LIMCH1: variants seen among roughly 807,000 people sequenced by gnomAD.
LIMCH1 encodes the protein LIM and calponin homology domains-containing protein 1.
LIMCH1 carries 113 observed loss-of-function variants against 176.5 expected under a neutral mutation model. The observed-to-expected ratio is 0.64, with a 90% CI of 0.55 to 0.75. The LOEUF (loss-of-function observed/expected upper bound fraction) is 0.75, where lower values mean the gene tolerates loss of function less well. Among genes scored for constraint, LIMCH1 ranks in the 30% least tolerant of loss-of-function variants. The pLI is 0.00. For missense variants in LIMCH1, 1,674 were observed against 1,814.9 expected (o/e 0.92, Z 1.41); for synonymous variants, 619 against 645.9 (o/e 0.96, Z 0.63).
At chr4:41,514,805 G>T (rs140794423) in intron 2 of LIMCH1, among the ~76,000 whole-genome samples, 1 of 152,160 alleles carries the variant, frequency 6.6e-6, no homozygotes, top group Non-Finnish European at 1.5e-5. Context: ...ATCTTGCTAT[G>T]CCTGTCCTTA....
intron 1 of LIMCH1, among the ~76,000 whole-genome samples, chr4:41,477,517 C>T (rs138243793): frequency 1.3e-5 from 2 of 152,208 alleles, no homozygotes; most frequent in African/African-American, 2.4e-5. Context: ...TTATCATCAT[C>T]ATTATTTTGA....
rs2152463013 is a variant in LIMCH1 at position 41,538,194 on chromosome 4, AGG to A, written c.-394_-393del. ...GCAGCAGCCTGCTTGTGGACAGAGC[AGG>A]GGTTGGCAGTGGTGACGACTGTTTT... is the stretch of plus-strand genomic sequence containing the variant. On this transcript the variant is annotated 5_prime_UTR_variant, in exon 1 of 32. Coordinates refer to ENST00000503057, the MANE Select transcript of LIMCH1 (RefSeq NM_001330672.2). 1 of 985,648 alleles carries A rather than the reference AGG, an allele frequency of 1.0e-6. No homozygotes were observed. Among genetic ancestry groups the A allele is most frequent in the African/African-American group, 1.7e-5 (1 of 57,356 alleles). The allele number at this position is 985,648 out of a possible 1,614,324, so 61.1% of individuals were successfully genotyped here.
At chr4:41,419,453 C>T (rs977449926) in intron 1 of LIMCH1, among the ~76,000 whole-genome samples, 3 of 152,106 alleles carry the variant, frequency 2.0e-5, no homozygotes, top group Non-Finnish European at 4.4e-5. Context: ...GGATTACAAG[C>T]GTGAGCCACC....
chr4:41,365,067 C>T (rs977052955), intron 1 of LIMCH1, among the ~76,000 whole-genome samples: 1 of 152,178 alleles, frequency 6.6e-6, no homozygotes, highest in African/African-American at 2.4e-5. Context: ...AAACAGATGT[C>T]CTTCGACTTG....
In LIMCH1 at chr4:41,380,800, G is replaced by A. The variant is rs150204111; in HGVS notation, c.96+19864G>A. 6.6e-3 allele frequency among the ~76,000 whole-genome samples: 1,008 copies of A among 152,202 alleles called. 13 individuals carry two copies. The highest frequency in any genetic ancestry group is 0.023 in the African/African-American group (972 of 41,516). ...GTGTGTGAAGAGATGTGCATCCAGG[G>A]AATACAGTTATATTCTGTCTGCCAA... On this transcript the variant is annotated intron_variant, in intron 1 of 26. Transcript: ENST00000313860.
At chr4:41,370,319 A>C (rs2053769141) in intron 1 of LIMCH1, among the ~76,000 whole-genome samples, 1 of 152,146 alleles carries the variant, frequency 6.6e-6, no homozygotes, top group East Asian at 1.9e-4. Flanking sequence ...TGAATCTAAA[A>C]AGAAATGGAA....
At chr4:41,585,453 T>C (rs952282799) in intron 1 of LIMCH1, among the ~76,000 whole-genome samples, 1 of 152,262 alleles carries the variant, frequency 6.6e-6, no homozygotes, top group Admixed American at 6.5e-5. Context: ...GTTCATCTGC[T>C]GATGAACATT....
At chr4:41,595,354 AG>A (rs2088545403) in intron 1 of LIMCH1, among the ~76,000 whole-genome samples, 1 of 152,078 alleles carries the variant, frequency 6.6e-6, no homozygotes, top group Admixed American at 6.5e-5. Context: ...AAATTTGGAG[AG>A]GCGGGAAAAG....
At position 41,629,701 on chromosome 4, in the gene LIMCH1, C is replaced by T. The variant is rs28622470; in HGVS notation, c.1238C>T (p.Thr413Met). 0.092 allele frequency: 140,951 copies of T among 1,535,760 alleles called. 15,148 individuals carry two copies. Among genetic ancestry groups the T allele is most frequent in the African/African-American group, 0.55 (39,935 of 72,986 alleles). Residue 413 changes from threonine (T) to methionine (M), a missense_variant, in exon 9 of 32, where the codon ACG (threonine) becomes ATG (methionine). By Grantham distance (81) the Thr-to-Met change is moderately conservative (BLOSUM62 -1). Around this residue, in one of 3 missense-constraint regions of LIMCH1, gnomAD observed 655 missense variants for 692.2 expected, o/e 0.95. Transcript: ENST00000503057. ...LSNITEADLE[T>M]WERLKVSEKA... Reference sequence around the variant, plus strand: ...AACATAACAGAAGCTGACTTGGAGACGTGGGAGAGACTCAAAGTGTCAGAA... The same window carrying T: ...AACATAACAGAAGCTGACTTGGAGATGTGGGAGAGACTCAAAGTGTCAGAA...
At position 41,620,695 on chromosome 4, in the gene LIMCH1, G is replaced by C; in HGVS notation, c.725+5G>C. 2.0e-6 allele frequency: 3 copies of C among 1,529,790 alleles called. No individual in the cohort carries two copies. Among genetic ancestry groups the C allele is most frequent in the Non-Finnish European group, 1.8e-6 (2 of 1,142,622 alleles). 94.8% of individuals were successfully genotyped at this position (1,529,790 alleles called of 1,614,324 possible). On this transcript the variant is annotated splice_donor_5th_base_variant and intron_variant, in intron 7 of 31. Transcript: ENST00000503057. Reference sequence around the variant, plus strand: ...AGCAGCACAGCGCTTTGCCAGGTCAGCTCTGGGCTGAGGGCTGGCCCGGCT... The same window carrying C: ...AGCAGCACAGCGCTTTGCCAGGTCACCTCTGGGCTGAGGGCTGGCCCGGCT...
At chr4:41,604,018 T>C in intron 3 of LIMCH1, 113 bp downstream of exon 3, 1 of 1,015,860 alleles carries the variant, frequency 9.8e-7, no homozygotes, top group South Asian at 1.5e-5. Context: ...AAAGTATATG[T>C]GTATTTCATA....
intron 6 of LIMCH1, 25 bp downstream of exon 6, chr4:41,619,465 C>A: frequency 6.2e-7 from 1 of 1,602,116 alleles, no homozygotes; most frequent in South Asian, 1.1e-5. Flanking sequence ...CCGCTGCCCT[C>A]TTCCTGGCTT....
intron 1 of LIMCH1, among the ~76,000 whole-genome samples, chr4:41,403,830 G>T (rs956319462): frequency 6.6e-6 from 1 of 152,160 alleles, no homozygotes; most frequent in South Asian, 2.1e-4. Context: ...TCACATGAAG[G>T]GATGGAATGG....
intron 1 of LIMCH1, among the ~76,000 whole-genome samples, chr4:41,564,285 C>T (rs2082430017): frequency 6.6e-6 from 1 of 152,166 alleles, no homozygotes; most frequent in Admixed American, 6.6e-5. Flanking sequence ...AGAGGCTTCT[C>T]TCACCCATTT....
chr4:41,560,784 C>G (rs539656057), intron 1 of LIMCH1, among the ~76,000 whole-genome samples: 1 of 152,000 alleles, frequency 6.6e-6, no homozygotes, highest in Non-Finnish European at 1.5e-5. Context: ...TTTGGGAGAC[C>G]AAGGTAGATG....
At position 41,604,468 on chromosome 4, in the gene LIMCH1, T is replaced by C. The variant is rs2090411482; in HGVS notation, c.-103+563T>C. Reference sequence around the variant, plus strand: ...TTGAGGAATGAAAGAAGTCACATTCTGCATCTAAAATTTTAAAATTGGCTG... The same window carrying C: ...TTGAGGAATGAAAGAAGTCACATTCCGCATCTAAAATTTTAAAATTGGCTG... On this transcript the variant is annotated intron_variant, in intron 3 of 31. Coordinates refer to ENST00000503057, the MANE Select transcript of LIMCH1 (RefSeq NM_001330672.2). Among the ~76,000 whole-genome samples, 3 of 152,266 alleles carry C rather than the reference T, an allele frequency of 2.0e-5. No homozygotes were observed. In the East Asian group the frequency reaches 5.8e-4, roughly 29 times the overall value.
chr4:41,654,321 C>T (rs575525773), intron 18 of LIMCH1, among the ~76,000 whole-genome samples: 2 of 152,122 alleles, frequency 1.3e-5, no homozygotes, highest in South Asian at 2.1e-4. Flanking sequence ...CAGTCAGCCA[C>T]GAGATCACGA....
chr4:41,642,083 C>A (rs2093845723), intron 14 of LIMCH1, among the ~76,000 whole-genome samples: 1 of 152,086 alleles, frequency 6.6e-6, no homozygotes, highest in Non-Finnish European at 1.5e-5. Flanking sequence ...CAGAAGAAAA[C>A]CTGGATCTAT....
At chr4:41,557,015 GTTTAT>G (rs1247633030) in intron 1 of LIMCH1, among the ~76,000 whole-genome samples, 1 of 152,138 alleles carries the variant, frequency 6.6e-6, no homozygotes, top group Non-Finnish European at 1.5e-5. Context: ...ACAGAATTCT[GTTTAT>G]TTTAACTATC....
Sources: gnomAD v4.1 joint callset for allele counts (sites outside exome capture counted in the v4.1 genomes callset) on GRCh38, gnomAD v4.1.1 for gene constraint, gnomAD v4.1.1 regional missense constraint, MANE v1.5 for transcripts, NCBI Gene and HGNC (gene_info 2026-07-23, HGNC 2026-07-21) for gene names.